Variants in GSDME observed in about 807,000 individuals in gnomAD.
GSDME encodes gasdermin E.
Under a neutral mutation model 47.5 loss-of-function variants are expected in GSDME, and 44 were observed. That is an observed-to-expected ratio of 0.93 (90% CI 0.73 to 1.19). The LOEUF is 1.19. Ranked by LOEUF, GSDME falls within the 50% of genes most tolerant of loss-of-function variation. The probability of loss-of-function intolerance (pLI) is 0.00; values close to 1 mark genes in which losing one functional copy is unlikely to be tolerated. For synonymous variants in GSDME, 258 were observed against 252.8 expected (o/e 1.02, Z -0.20); for missense variants, 663 against 604.2 (o/e 1.10, Z -1.02).
Position 24,716,897 on chromosome 7 carries a change from C to T in GSDME, c.697+357G>A, listed in dbSNP as rs569265408. The T allele has an allele frequency of 1.2e-5, 4 of 334,198 alleles. No individual in the cohort carries two copies. In the East Asian group the frequency reaches 2.9e-4, roughly 24 times the overall value. 20.7% of individuals were successfully genotyped at this position (334,198 alleles called of 1,614,324 possible). On this transcript the variant is annotated intron_variant, in intron 5 of 9. Transcript: ENST00000645220. This position sits in a 1 kb window ranked among gnomAD's most constrained non-coding sequence, Gnocchi z 4.5. ...AGACTCAGCAAGATTCAGCAACTTG[C>T]CTGAGACCTCATAGGACATCATGGC...
rs879645458 is a variant in GSDME at position 24,698,688 on chromosome 7, A to G, written c.*338T>C. 2 of 362,968 alleles carry G rather than the reference A, an allele frequency of 5.5e-6. No individual in the cohort carries two copies. Among genetic ancestry groups the G allele is most frequent in the Non-Finnish European group, 1.1e-5 (2 of 190,154 alleles). 22.5% of individuals were successfully genotyped at this position (362,968 alleles called of 1,614,324 possible). ...TGGATTAAAGGGTCAGACTCTTTCT[A>G]TGTAACAAAAAGTGGAATGCAAGTG... On this transcript the variant is annotated 3_prime_UTR_variant, in exon 10 of 10. Coordinates refer to ENST00000645220, the MANE Select transcript of GSDME (RefSeq NM_001127453.2).
At chr7:24,703,082 C>T (rs1788944610) in intron 8 of GSDME, 1 of 407,354 alleles carries the variant, frequency 2.5e-6, no homozygotes, top group Admixed American at 3.4e-5. Flanking sequence ...ATTCAATTTA[C>T]CAAATGGAAA....
At chr7:24,738,886 G>C (rs1790395242) in intron 3 of GSDME, among the ~76,000 whole-genome samples, 1 of 152,270 alleles carries the variant, frequency 6.6e-6, no homozygotes, top group Non-Finnish European at 1.5e-5. Flanking sequence ...TTGGGGAAAG[G>C]ATAGCCTCTT....
intron 3 of GSDME, among the ~76,000 whole-genome samples, chr7:24,740,674 G>A (rs1022622744): frequency 4.6e-5 from 7 of 151,546 alleles, no homozygotes; most frequent in Non-Finnish European, 1.0e-4. Flanking sequence ...GTAAATATAT[G>A]TATATATATA....
At chr7:24,702,205 G>A (rs1002406774) in intron 9 of GSDME, among the ~76,000 whole-genome samples, 1 of 152,206 alleles carries the variant, frequency 6.6e-6, no homozygotes, top group Non-Finnish European at 1.5e-5. Context: ...ATTTAAAAAG[G>A]AAAAGCTTAA....
intron 6 of GSDME, among the ~76,000 whole-genome samples, chr7:24,708,670 A>G (rs977974912): frequency 2.6e-5 from 4 of 152,210 alleles, no homozygotes; most frequent in African/African-American, 9.6e-5. Context: ...AAAATACATT[A>G]TTTTTCACGT....
the GSDME span, among the ~76,000 whole-genome samples, chr7:24,775,752 G>A: frequency 6.6e-6 from 1 of 150,878 alleles, no homozygotes. Flanking sequence ...GCGGGCACTT[G>A]TAATCCCAGC....
In GSDME at chr7:24,699,034, G is replaced by A. The variant is rs1200288360; in HGVS notation, c.1483C>T (p.His495Tyr). Residue 495 changes from histidine to tyrosine, a missense_variant, in exon 10 of 10, where the codon CAT becomes TAT. By Grantham distance (83) the His-to-Tyr change is moderately conservative. Transcript: ENST00000645220. ...LNGLCALGREHS is the reference protein window; with the variant it reads ...LNGLCALGREYS The stretch of plus-strand genomic sequence containing the variant: ...CTAGTTCACATATGACATCATGAAT[G>A]TTCTCTGCCTAAAGCACAGAGTCCA... The A allele has an allele frequency of 3.1e-6, 5 of 1,610,432 alleles. No individual in the cohort carries two copies. In the Admixed American group the frequency reaches 5.0e-5, roughly 16 times the overall value.
chr7:24,764,099 G>A, the GSDME span, among the ~76,000 whole-genome samples: 161 of 152,314 alleles, frequency 1.1e-3, no homozygotes, highest in African/African-American at 3.8e-3. This position sits in a 1 kb window ranked among gnomAD's most constrained non-coding sequence, Gnocchi z 4.4. Context: ...CTTCTTAGCT[G>A]AGTTATAATT....
Position 24,706,290 on chromosome 7 carries a change from G to A in GSDME, c.1077C>T (p.Phe359=). The change falls in exon 8 of 10, where the codon TTC becomes TTT. Residue 359 remains phenylalanine, a synonymous_variant. Transcript: ENST00000645220. ...KPRQQQDLVA[F]LQLVGCSLQG... Reference sequence around the variant, plus strand: ...GTAAGCTGCACCCCACCAGCTGCAGGAAGGCCACAAGGTCCTGCTGCTGCC... The same window carrying A: ...GTAAGCTGCACCCCACCAGCTGCAGAAAGGCCACAAGGTCCTGCTGCTGCC... 1 of 1,614,134 alleles carries A rather than the reference G, an allele frequency of 6.2e-7. No homozygotes were observed. Among genetic ancestry groups the A allele is most frequent in the Non-Finnish European group, 8.5e-7 (1 of 1,180,028 alleles).
chr7:24,736,929 C>T lies in GSDME; in HGVS notation c.404+7633G>A, dbSNP rs150527370. 2.6e-5 allele frequency among the ~76,000 whole-genome samples: 4 copies of T among 152,082 alleles called. No homozygotes were observed. The highest frequency in any genetic ancestry group is 1.9e-4 in the East Asian group (1 of 5,184). The stretch of plus-strand genomic sequence containing the variant: ...TCCTGAATGACCAGTGAGTCAATGA[C>T]GACACTAAGAAAAATTGAAATTTTA... On this transcript the variant is annotated intron_variant, in intron 3 of 9. Coordinates refer to ENST00000645220, the MANE Select transcript of GSDME (RefSeq NM_001127453.2). This position sits in a 1 kb window ranked among gnomAD's most constrained non-coding sequence, Gnocchi z 4.6.
Position 24,716,274 on chromosome 7 carries a change from C to A in GSDME, c.697+980G>T, listed in dbSNP as rs1233362473. On this transcript the variant is annotated intron_variant, in intron 5 of 9. Transcript: ENST00000645220. This position sits in a 1 kb window ranked among gnomAD's most constrained non-coding sequence, Gnocchi z 4.5. Reference sequence around the variant, plus strand: ...AGCTTCAGCCACTGTCCCCTCTCAGCCAAGCCTCCTTCCCTCGGCAGCTGC... The same window carrying A: ...AGCTTCAGCCACTGTCCCCTCTCAGACAAGCCTCCTTCCCTCGGCAGCTGC... Among the ~76,000 whole-genome samples, 4 of 152,228 alleles carry A rather than the reference C, an allele frequency of 2.6e-5. No homozygotes were observed. The highest frequency in any genetic ancestry group is 9.6e-5 in the African/African-American group (4 of 41,460).
At chr7:24,752,451 G>A (rs1344107585) in intron 1 of GSDME, among the ~76,000 whole-genome samples, 1 of 152,190 alleles carries the variant, frequency 6.6e-6, no homozygotes, top group Non-Finnish European at 1.5e-5. Context: ...GACTGCAGGG[G>A]AACAAGATTA....
chr7:24,789,104 C>T, the GSDME span, among the ~76,000 whole-genome samples: 2 of 152,170 alleles, frequency 1.3e-5, no homozygotes, highest in African/African-American at 2.4e-5. Flanking sequence ...TTGTGTAACA[C>T]CATTAATATA....
At chr7:24,722,030 G>A (rs1264218889) in intron 3 of GSDME, among the ~76,000 whole-genome samples, 1 of 152,264 alleles carries the variant, frequency 6.6e-6, no homozygotes, top group Middle Eastern at 3.4e-3. Flanking sequence ...ATTTCCACAG[G>A]ATATTTTTCT....
intron 5 of GSDME, 171 bp downstream of exon 5, chr7:24,717,083 C>A: frequency 1.4e-6 from 1 of 704,250 alleles, no homozygotes; most frequent in Non-Finnish European, 2.4e-6. Flanking sequence ...TCCCCCAGTG[C>A]AGCCCATGTG....
upstream of GSDME, among the ~76,000 whole-genome samples, chr7:24,760,068 CAGG>C (rs1791144484): frequency 6.6e-6 from 1 of 152,180 alleles, no homozygotes; most frequent in South Asian, 2.1e-4. The surrounding 1 kb of genome is among the most constrained non-coding windows in gnomAD (Gnocchi z 4.2). Context: ...GAAAATCTCA[CAGG>C]AGATCAATTG....
At chr7:24,778,926 A>G in the GSDME span, among the ~76,000 whole-genome samples, 1 of 152,180 alleles carries the variant, frequency 6.6e-6, no homozygotes, top group African/African-American at 2.4e-5. The surrounding 1 kb of genome is among the most constrained non-coding windows in gnomAD (Gnocchi z 5.6). Flanking sequence ...CTGCCATAGT[A>G]CTGAACAGAT....
chr7:24,748,412 C>T (rs1790749053), intron 2 of GSDME, among the ~76,000 whole-genome samples: 1 of 152,046 alleles, frequency 6.6e-6, no homozygotes. Context: ...CCAGCCTCGG[C>T]CTCCCAAAGT....
Sources: allele counts gnomAD v4.1 joint callset (sites outside exome capture counted in the v4.1 genomes callset), GRCh38; gene constraint gnomAD v4.1.1; non-coding constraint Gnocchi (gnomAD v3.1); transcripts MANE v1.5; gene names NCBI Gene and HGNC (gene_info 2026-07-23, HGNC 2026-07-21).